ADGRA2: variants seen among roughly 807,000 people sequenced by gnomAD.
ADGRA2 encodes the protein G-protein coupled receptor 124.
ADGRA2 carries 61 observed loss-of-function variants against 98.7 expected under a neutral mutation model. The ratio of observed to expected loss-of-function variants is 0.62; its 90% confidence interval spans 0.50 to 0.76. ADGRA2 has a LOEUF of 0.76. ADGRA2 is among the 30% of genes least tolerant of loss of function. The pLI, the probability that ADGRA2 is intolerant of heterozygous loss-of-function variation, is 0.00. For synonymous variants in ADGRA2, 858 were observed against 831.5 expected (o/e 1.03, Z -0.55); for missense variants, 1,712 against 1,860.0 (o/e 0.92, Z 1.46).
rs1471033284 is a variant in ADGRA2 at position 37,841,028 on chromosome 8, C to T, written c.2748-58C>T. The T allele has an allele frequency of 5.8e-5, 85 of 1,475,674 alleles. No homozygotes were observed. The South Asian group carries it at 6.4e-4, about 11-fold the overall frequency. 91.4% of individuals were successfully genotyped at this position (1,475,674 alleles called of 1,614,324 possible). A position where few individuals can be genotyped will look rare whatever the true frequency, so the allele number is the denominator to read the frequency against. On this transcript the variant is annotated intron_variant, in intron 18 of 18. Coordinates refer to ENST00000412232, the MANE Select transcript of ADGRA2 (RefSeq NM_032777.10). This position sits in a 1 kb window ranked among gnomAD's most constrained non-coding sequence, Gnocchi z 5.0. ...TCCTGTCTCCCCAACCACCCCGGCCCCCAGCCCCACCCCAGCCATGCCCCC... is the reference window on the plus strand; with the variant it reads ...TCCTGTCTCCCCAACCACCCCGGCCTCCAGCCCCACCCCAGCCATGCCCCC...
chr8:37,841,130 C>T lies in ADGRA2; in HGVS notation c.2792C>T (p.Pro931Leu), dbSNP rs1805777527. 6.8e-6 allele frequency: 11 copies of T among 1,610,844 alleles called. No homozygotes were observed. Among genetic ancestry groups the T allele is most frequent in the Non-Finnish European group, 7.6e-6 (9 of 1,179,222 alleles). The change falls in exon 19 of 19, where the codon CCT becomes CTT. Residue 931 changes from proline (P) to leucine (L), a missense_variant. Coordinates refer to ENST00000412232, the MANE Select transcript of ADGRA2 (RefSeq NM_032777.10). The surrounding 1 kb of genome is among the most constrained non-coding windows in gnomAD (Gnocchi z 5.0). The part of the protein sequence containing the change: ...WRPSLGAFYI[P>L]VALILLITWI... The stretch of plus-strand genomic sequence containing the variant: ...CCAAGCCTTGGCGCCTTCTACATCC[C>T]TGTGGCTTTGATTCTGCTCATCACC...
Position 37,844,737 on chromosome 8 carries a change from A to C in ADGRA2, c.*2382A>C, listed in dbSNP as rs150785651. 147 of 1,613,540 alleles carry C rather than the reference A, an allele frequency of 9.1e-5. No individual in the cohort carries two copies. In the African/African-American group the frequency reaches 1.9e-3, roughly 20 times the overall value. On this transcript the variant is annotated 3_prime_UTR_variant, in exon 19 of 19. Transcript: ENST00000412232. ...GGGTAAACCTAAGGAATTATTTCCC[A>C]CCTCCCCTTCTCCTTGCCCCTGTCC... is the stretch of plus-strand genomic sequence containing the variant.
In ADGRA2 at chr8:37,814,663, C is replaced by T. The variant is rs1022407837; in HGVS notation, c.267-233C>T. ...CCTCCCACCTGCACACAGAGCCCCA[C>T]GTCAGAGCCAGGCTTGGAGGAGACT... is the stretch of plus-strand genomic sequence containing the variant. On this transcript the variant is annotated intron_variant, in intron 1 of 18. Coordinates refer to ENST00000412232, the MANE Select transcript of ADGRA2 (RefSeq NM_032777.10). This position sits in a 1 kb window ranked among gnomAD's most constrained non-coding sequence, Gnocchi z 4.3. 5.9e-5 allele frequency among the ~76,000 whole-genome samples: 9 copies of T among 152,198 alleles called. No homozygotes were observed. Among genetic ancestry groups the T allele is most frequent in the African/African-American group, 2.2e-4 (9 of 41,462 alleles).
chr8:37,807,149 G>A (rs1385015376), intron 1 of ADGRA2, among the ~76,000 whole-genome samples: 2 of 152,218 alleles, frequency 1.3e-5, no homozygotes, highest in African/African-American at 2.4e-5. Context: ...TTGCCAGTCG[G>A]TGTTCAGGGC....
Position 37,842,540 on chromosome 8 carries a change from C to T in ADGRA2, c.*185C>T. 1 of 1,018,316 alleles carries T rather than the reference C, an allele frequency of 9.8e-7. No individual in the cohort carries two copies. Among genetic ancestry groups the T allele is most frequent in the South Asian group, 2.6e-5 (1 of 38,392 alleles). The allele number at this position is 1,018,316 out of a possible 1,614,324, so 63.1% of individuals were successfully genotyped here. The stretch of plus-strand genomic sequence containing the variant: ...CCCTCTGGGGTAGCGACAGACAATC[C>T]CAGAAACACGCATAATACATTTCCG... On this transcript the variant is annotated 3_prime_UTR_variant, in exon 19 of 19. Transcript: ENST00000412232.
intron 8 of ADGRA2, 44 bp downstream of exon 8, chr8:37,831,631 C>G (rs776100433): frequency 6.3e-7 from 1 of 1,575,138 alleles, no homozygotes; most frequent in South Asian, 1.1e-5. Context: ...AGCCCCCAAC[C>G]CCACCCTTGC....
In ADGRA2 at chr8:37,830,310, T is replaced by A. The variant is rs1437534377; in HGVS notation, c.718+296T>A. 1.3e-5 allele frequency among the ~76,000 whole-genome samples: 2 copies of A among 152,316 alleles called. No individual in the cohort carries two copies. ...CATTTACTATCCCAGCGACCCTCCC[T>A]GTGAGGCGGGGCCAGTGTTATTCTC... On this transcript the variant is annotated intron_variant, in intron 6 of 18. Transcript: ENST00000412232. This position sits in a 1 kb window ranked among gnomAD's most constrained non-coding sequence, Gnocchi z 4.8.
chr8:37,831,356 G>A, intron 7 of ADGRA2, 67 bp from the exon 8 acceptor site: 1 of 1,494,718 alleles, frequency 6.7e-7, no homozygotes, highest in Non-Finnish European at 9.2e-7. Context: ...GTAGGACGGT[G>A]CTGAGGGAGG....
Position 37,841,843 on chromosome 8 carries a change from G to A in ADGRA2, c.3505G>A (p.Ala1169Thr), listed in dbSNP as rs777414593. ...PEPAGTRGNL[A>T]HRHPNNVHHG... ...GCCGGCGGGCACCCGGGGAAACCTC[G>A]CCCACCGCCACCCCAACAACGTGCA... The change falls in exon 19 of 19, where the codon GCC (alanine) becomes ACC (threonine). Residue 1169 changes from alanine (A) to threonine (T), a missense_variant. Ala to Thr is a moderately conservative substitution (Grantham distance 58, BLOSUM62 0). Coordinates refer to ENST00000412232, the MANE Select transcript of ADGRA2 (RefSeq NM_032777.10). The surrounding 1 kb of genome is among the most constrained non-coding windows in gnomAD (Gnocchi z 5.0). The A allele has an allele frequency of 7.2e-6, 11 of 1,531,392 alleles. 2 individuals carry two copies. In the South Asian group the frequency reaches 1.3e-4, roughly 18 times the overall value. 94.9% of individuals were successfully genotyped at this position (1,531,392 alleles called of 1,614,324 possible). A position where few individuals can be genotyped will look rare whatever the true frequency, so the allele number is the denominator to read the frequency against.
chr8:37,838,018 C>T, intron 14 of ADGRA2, 79 bp downstream of exon 14: 1 of 1,140,314 alleles, frequency 8.8e-7, no homozygotes, highest in Non-Finnish European at 1.2e-6. Context: ...GTACTCTGAC[C>T]ATTTGGGACC....
chr8:37,840,253 A>T lies in ADGRA2; in HGVS notation c.2644A>T (p.Ser882Cys). ...QEGDPALPTP[S>C]PMLRFYLIAG... ...AGGGGACCCCGCTCTGCCTACTCCC[A>T]GTCCTATGCTCCGGTACATACTTTC... Residue 882 changes from serine (S) to cysteine (C), a missense_variant, in exon 17 of 19, where the codon AGT (serine) becomes TGT (cysteine). Transcript: ENST00000412232. 1 of 1,612,582 alleles carries T rather than the reference A, an allele frequency of 6.2e-7. No individual in the cohort carries two copies. Among genetic ancestry groups the T allele is most frequent in the Admixed American group, 1.7e-5 (1 of 60,022 alleles).
At position 37,830,774 on chromosome 8, in the gene ADGRA2, G is replaced by C; in HGVS notation, c.783G>C (p.Gly261=). 6.2e-7 allele frequency: 1 copy of C among 1,600,410 alleles called. No homozygotes were observed. The highest frequency in any genetic ancestry group is 8.5e-7 in the Non-Finnish European group (1 of 1,173,956). The change falls in exon 7 of 19, where the codon GGG becomes GGC. Residue 261 remains glycine, a synonymous_variant. Coordinates refer to ENST00000412232, the MANE Select transcript of ADGRA2 (RefSeq NM_032777.10). The surrounding 1 kb of genome is among the most constrained non-coding windows in gnomAD (Gnocchi z 4.8). ...IPSLRQVVFQ[G]DRLPFQCSAS... ...CCCTACGCCAAGTGGTGTTCCAGGG[G>C]GATCGGCTGCCCTTCCAGTGCTCTG...
intron 1 of ADGRA2, among the ~76,000 whole-genome samples, chr8:37,806,902 C>G (rs1434020371): frequency 2.0e-5 from 3 of 152,182 alleles, no homozygotes; most frequent in Non-Finnish European, 2.9e-5. Flanking sequence ...CATCCAAGCC[C>G]CAGTTTCTTG....
intron 2 of ADGRA2, among the ~76,000 whole-genome samples, chr8:37,828,378 T>C (rs982355374): frequency 2.6e-5 from 4 of 152,222 alleles, no homozygotes; most frequent in South Asian, 2.1e-4. Flanking sequence ...TCTGAGGCCC[T>C]TGTGATCCCA....
chr8:37,804,835 C>G (rs1482936910), intron 1 of ADGRA2, among the ~76,000 whole-genome samples: 1 of 152,346 alleles, frequency 6.6e-6, no homozygotes, highest in South Asian at 2.1e-4. Context: ...GGGGCTCCCC[C>G]GACCCCATAA....
rs1385179334 is a variant in ADGRA2, at chr8:37,841,275, C to T, written c.2937C>T (p.Leu979=). ...AGGAGCTGAGGGGTTCCACCAGGCT[C>T]AGGGGCAGCGGCCCCCTCCTGAGTG... is the stretch of plus-strand genomic sequence containing the variant. The part of the protein sequence containing the change: ...AGEELRGSTR[L]RGSGPLLSDS... Residue 979 remains leucine, a synonymous_variant, in exon 19 of 19, where the codon CTC becomes CTT. Coordinates refer to ENST00000412232, the MANE Select transcript of ADGRA2 (RefSeq NM_032777.10). The surrounding 1 kb of genome is among the most constrained non-coding windows in gnomAD (Gnocchi z 5.0). 1 of 1,612,180 alleles carries T rather than the reference C, an allele frequency of 6.2e-7. No individual in the cohort carries two copies. The highest frequency in any genetic ancestry group is 8.5e-7 in the Non-Finnish European group (1 of 1,179,158).
In ADGRA2 at chr8:37,829,347, G is replaced by A. The variant is rs1805386574; in HGVS notation, c.482+15G>A. 6.2e-7 allele frequency: 1 copy of A among 1,607,954 alleles called. No homozygotes were observed. Among genetic ancestry groups the A allele is most frequent in the Non-Finnish European group, 8.5e-7 (1 of 1,174,668 alleles). On this transcript the variant is annotated intron_variant, in intron 4 of 18. Transcript: ENST00000412232. ...CTTCTCCGACTGTAAGTGATGGGGT[G>A]AGAAGTGGGGAGGGGAGGAGAGGGA...
chr8:37,799,375 A>T (rs1804433882), intron 1 of ADGRA2, among the ~76,000 whole-genome samples: 2 of 131,724 alleles, frequency 1.5e-5, no homozygotes, highest in Admixed American at 7.3e-5. Flanking sequence ...ACTCCGTATA[A>T]AAAAAAAAAA....
Position 37,828,951 on chromosome 8 carries a change from G to A in ADGRA2, c.402G>A (p.Leu134=), listed in dbSNP as rs1401542003. The part of the protein sequence containing the change: ...QPGAFLGLGE[L]KRLDLSNNRI... ...GCGCCTTCCTGGGCCTGGGGGAGCT[G>A]AAGCGTTTGTGAGTGGCACGCCCTC... Residue 134 remains leucine, a synonymous_variant, in exon 3 of 19, where the codon CTG becomes CTA. Coordinates refer to ENST00000412232, the MANE Select transcript of ADGRA2 (RefSeq NM_032777.10). 8 of 1,576,788 alleles carry A rather than the reference G, an allele frequency of 5.1e-6. No individual in the cohort carries two copies. The highest frequency in any genetic ancestry group is 3.5e-5 in the South Asian group (3 of 84,860).
Sources: gnomAD v4.1 joint callset for allele counts (sites outside exome capture counted in the v4.1 genomes callset) on GRCh38, gnomAD v4.1.1 for gene constraint, Gnocchi (gnomAD v3.1) non-coding constraint, MANE v1.5 for transcripts, NCBI Gene and HGNC (gene_info 2026-07-23, HGNC 2026-07-21) for gene names.